ESRP1: variants seen among roughly 807,000 people sequenced by gnomAD.
ESRP1 encodes the protein RNA-binding motif protein 35A.
In ESRP1, 33 loss-of-function variants were observed where a neutral mutation model predicts 81.7. That is an observed-to-expected ratio of 0.40 (90% CI 0.31 to 0.54). ESRP1 has a LOEUF of 0.54. Among genes scored for constraint, ESRP1 ranks in the 20% least tolerant of loss-of-function variants. The pLI, the probability that ESRP1 is intolerant of heterozygous loss-of-function variation, is 0.41. For missense variants in ESRP1, 672 were observed against 833.1 expected (o/e 0.81, Z 2.38); for synonymous variants, 320 against 303.3 (o/e 1.06, Z -0.57).
At chr8:94,700,909 A>G (rs539967393) in intron 15 of ESRP1, among the ~76,000 whole-genome samples, 1 of 149,234 alleles carries the variant, frequency 6.7e-6, no homozygotes, top group Admixed American at 6.7e-5. Flanking sequence ...AGCCTGGGCA[A>G]CAGAGCAAGA....
intron 4 of ESRP1, among the ~76,000 whole-genome samples, chr8:94,652,878 CT>C (rs1818215241): frequency 6.6e-6 from 1 of 152,112 alleles, no homozygotes. Flanking sequence ...GAGGCTTTGT[CT>C]TTAAGTTATA....
intron 15 of ESRP1, among the ~76,000 whole-genome samples, chr8:94,699,738 T>C (rs1186980092): frequency 1.3e-5 from 2 of 152,162 alleles, no homozygotes; most frequent in Non-Finnish European, 2.9e-5. Context: ...TATAAAAGTA[T>C]TGGGTGCTCA....
chr8:94,652,967 A>G (rs1277188773), intron 4 of ESRP1, among the ~76,000 whole-genome samples: 2 of 152,232 alleles, frequency 1.3e-5, no homozygotes, highest in African/African-American at 2.4e-5. Flanking sequence ...GGCTACCTCA[A>G]ATAGGTTATC....
chr8:94,699,538 G>A (rs1294378425), intron 15 of ESRP1, among the ~76,000 whole-genome samples: 3 of 152,104 alleles, frequency 2.0e-5, no homozygotes, highest in Non-Finnish European at 2.9e-5. Context: ...TACTCCGGAG[G>A]CTGAGGTAGG....
At chr8:94,649,397 CTA>C (rs1259345296) in intron 4 of ESRP1, 13 of 150,878 alleles carry the variant, frequency 8.6e-5, no homozygotes, top group African/African-American at 3.2e-4. Flanking sequence ...TGTAGTCGTG[CTA>C]TGTTACCCAG....
chr8:94,643,978 A>G (rs1359613630), intron 3 of ESRP1, among the ~76,000 whole-genome samples: 1 of 152,264 alleles, frequency 6.6e-6, no homozygotes, highest in African/African-American at 2.4e-5. Flanking sequence ...TGAAACCACA[A>G]TCGTAGCACT....
At chr8:94,685,552 A>C (rs572259355) in intron 13 of ESRP1, among the ~76,000 whole-genome samples, 85 of 152,272 alleles carry the variant, frequency 5.6e-4, no homozygotes, top group Non-Finnish European at 7.9e-4. Flanking sequence ...TTGTAATCCC[A>C]GCACTTTGGG....
chr8:94,695,960 G>A (rs1809590357), intron 14 of ESRP1, among the ~76,000 whole-genome samples: 2 of 152,176 alleles, frequency 1.3e-5, no homozygotes, highest in South Asian at 2.1e-4. Context: ...CTACTCAGGA[G>A]GCTGAGGCAG....
chr8:94,695,953 C>T (rs1809590132), intron 14 of ESRP1, among the ~76,000 whole-genome samples: 1 of 152,136 alleles, frequency 6.6e-6, no homozygotes, highest in South Asian at 2.1e-4. Context: ...GTCCCAGCTA[C>T]TCAGGAGGCT....
At chr8:94,643,454 C>T in intron 3 of ESRP1, 38 bp downstream of exon 3, 1 of 1,421,780 alleles carries the variant, frequency 7.0e-7, no homozygotes, top group Non-Finnish European at 9.9e-7. Context: ...ATGGTTGGAG[C>T]TTTGGGGTGA....
intron 12 of ESRP1, among the ~76,000 whole-genome samples, chr8:94,677,762 T>C (rs1808703896): frequency 6.6e-6 from 1 of 152,214 alleles, no homozygotes; most frequent in Non-Finnish European, 1.5e-5. Flanking sequence ...ACTTCTCATT[T>C]GATGCTGTAC....
intron 4 of ESRP1, among the ~76,000 whole-genome samples, chr8:94,657,041 G>T (rs780955875): frequency 6.6e-6 from 1 of 152,190 alleles, no homozygotes; most frequent in Admixed American, 6.5e-5. Flanking sequence ...ACCAGTGGTG[G>T]TCATAAGGAA....
intron 15 of ESRP1, among the ~76,000 whole-genome samples, chr8:94,700,984 T>TATGTG: frequency 7.2e-6 from 1 of 138,836 alleles, no homozygotes; most frequent in African/African-American, 2.8e-5. Flanking sequence ...TGTGTGTGTG[T>TATGTG]TAAGAGGGCC....
chr8:94,667,880 A>T, intron 9 of ESRP1, 69 bp from the exon 10 acceptor site: 1 of 1,340,940 alleles, frequency 7.5e-7, no homozygotes, highest in Non-Finnish European at 1.0e-6. Context: ...GACTTTTATC[A>T]CTTTAAAATC....
chr8:94,651,765 C>T (rs1818143691), intron 4 of ESRP1, among the ~76,000 whole-genome samples: 1 of 151,824 alleles, frequency 6.6e-6, no homozygotes, highest in Non-Finnish European at 1.5e-5. Context: ...TATAGGAGCC[C>T]TCCACCTCGC....
intron 13 of ESRP1, among the ~76,000 whole-genome samples, chr8:94,688,971 C>G (rs1009599274): frequency 1.3e-5 from 2 of 152,028 alleles, no homozygotes; most frequent in Admixed American, 6.6e-5. Flanking sequence ...TAATTCTTAC[C>G]CAGGCATGGT....
intron 15 of ESRP1, among the ~76,000 whole-genome samples, chr8:94,701,199 T>C (rs1159859801): frequency 6.8e-6 from 1 of 146,268 alleles, no homozygotes; most frequent in Non-Finnish European, 1.5e-5. Flanking sequence ...TGCTTGAACC[T>C]GGGAGGTGGA....
rs756050593 is a variant in ESRP1 at position 94,667,946 on chromosome 8, T to C, written c.932-3T>C. On this transcript the variant is annotated splice_region_variant and splice_polypyrimidine_tract_variant and intron_variant, in intron 9 of 15. Coordinates refer to ENST00000433389, the MANE Select transcript of ESRP1 (RefSeq NM_017697.4). ...CCTGCTTCCTAATATTTGTTTTCCC[T>C]AGGTACTTCCAATGAGGTAGCCCAG... The C allele has an allele frequency of 6.4e-7, 1 of 1,571,462 alleles. No individual in the cohort carries two copies. Among genetic ancestry groups the C allele is most frequent in the South Asian group, 1.2e-5 (1 of 84,386 alleles).
At chr8:94,681,655 ATGGC>A (rs1045073778) in intron 13 of ESRP1, among the ~76,000 whole-genome samples, 2 of 147,162 alleles carry the variant, frequency 1.4e-5, no homozygotes, top group African/African-American at 5.1e-5. Flanking sequence ...AATAATAAAA[ATGGC>A]TGGGTGTGGT....
Sources: allele counts gnomAD v4.1 joint callset (sites outside exome capture counted in the v4.1 genomes callset), GRCh38; gene constraint gnomAD v4.1.1; transcripts MANE v1.5; gene names NCBI Gene and HGNC (gene_info 2026-07-23, HGNC 2026-07-21).